PRKCA: variants seen among roughly 807,000 people sequenced by gnomAD.
PRKCA encodes protein kinase C alpha.
Under a neutral mutation model 87.0 loss-of-function variants are expected in PRKCA, and 27 were observed. The observed-to-expected ratio is 0.31, with a 90% CI of 0.23 to 0.43. The LOEUF is 0.43. Among genes scored for constraint, PRKCA ranks in the 20% least tolerant of loss-of-function variants. The probability of loss-of-function intolerance (pLI) is 1.00; values close to 1 mark genes in which losing one functional copy is unlikely to be tolerated. For missense variants in PRKCA, 518 were observed against 852.3 expected, an observed-to-expected ratio of 0.61 and a Z score of 4.88; for synonymous variants, 329 against 311.1, an observed-to-expected ratio of 1.06 and a Z score of -0.61.
chr17:66,763,245 C>T (rs1385311302), intron 13 of PRKCA, among the ~76,000 whole-genome samples: 1 of 152,208 alleles, frequency 6.6e-6, no homozygotes, highest in Non-Finnish European at 1.5e-5. Context: ...TGCCCCGTGC[C>T]TGAGGTCCTG....
intron 2 of PRKCA, among the ~76,000 whole-genome samples, chr17:66,345,312 T>G (rs1252206910): frequency 6.6e-6 from 1 of 152,216 alleles, no homozygotes; most frequent in East Asian, 1.9e-4. Context: ...TTAGAAAACC[T>G]TGTTAGGAAG....
chr17:66,627,815 A>C (rs1210259349), intron 3 of PRKCA, among the ~76,000 whole-genome samples: 2 of 152,264 alleles, frequency 1.3e-5, no homozygotes, highest in South Asian at 2.1e-4. Flanking sequence ...ATCCCCCCCC[A>C]AAAAATTGAA....
At chr17:66,548,832 C>G (rs539262255) in intron 3 of PRKCA, among the ~76,000 whole-genome samples, 2 of 151,348 alleles carry the variant, frequency 1.3e-5, no homozygotes, top group Non-Finnish European at 2.9e-5. Flanking sequence ...GAAGCAGGCT[C>G]TCTCTCTGTT....
At chr17:66,778,378 T>C in intron 14 of PRKCA, 2 of 308,512 alleles carry the variant, frequency 6.5e-6, no homozygotes, top group Non-Finnish European at 9.5e-6. Context: ...TAGCCGAGTG[T>C]GGTGGCGGGC....
At chr17:66,334,347 T>C (rs905226387) in intron 2 of PRKCA, among the ~76,000 whole-genome samples, 1 of 152,386 alleles carries the variant, frequency 6.6e-6, no homozygotes, top group South Asian at 2.1e-4. Flanking sequence ...TCTTTTGTTA[T>C]ACTCTTCTGT....
intron 5 of PRKCA, among the ~76,000 whole-genome samples, chr17:66,684,369 C>G (rs958366037): frequency 2.0e-5 from 3 of 152,116 alleles, no homozygotes; most frequent in African/African-American, 7.2e-5. Context: ...AGTGGCAGAG[C>G]CAGAATTCAA....
intron 16 of PRKCA, chr17:66,796,640 T>C: frequency 2.0e-6 from 2 of 985,366 alleles, no homozygotes; most frequent in Non-Finnish European, 2.4e-6. Flanking sequence ...GGCAGACCAA[T>C]GGCCAGACCC....
intron 3 of PRKCA, among the ~76,000 whole-genome samples, chr17:66,603,369 G>A (rs900855273): frequency 6.6e-6 from 1 of 152,172 alleles, no homozygotes; most frequent in Non-Finnish European, 1.5e-5. Context: ...ACGACAGTTG[G>A]CCTTAAAAAT....
At chr17:66,470,063 G>A (rs948854200) in intron 2 of PRKCA, among the ~76,000 whole-genome samples, 1 of 151,784 alleles carries the variant, frequency 6.6e-6, no homozygotes, top group Non-Finnish European at 1.5e-5. Flanking sequence ...TTTTTAGTGG[G>A]AAAATAACAA....
intron 2 of PRKCA, among the ~76,000 whole-genome samples, chr17:66,426,708 AG>A (rs1179468238): frequency 1.3e-5 from 2 of 152,182 alleles, no homozygotes; most frequent in African/African-American, 2.4e-5. Context: ...ATACCCTTCA[AG>A]GGTGGGCATG....
chr17:66,735,786 C>A, intron 10 of PRKCA, 124 bp downstream of exon 10: 1 of 1,149,136 alleles, frequency 8.7e-7, no homozygotes, highest in Non-Finnish European at 1.2e-6. Flanking sequence ...TGATGTCAAG[C>A]AGAGGTGACT....
chr17:66,781,034 A>G (rs1867394187), intron 14 of PRKCA, among the ~76,000 whole-genome samples: 1 of 151,988 alleles, frequency 6.6e-6, no homozygotes, highest in Admixed American at 6.6e-5. Context: ...ACTTGAACCC[A>G]GGAGGCAGAG....
intron 5 of PRKCA, among the ~76,000 whole-genome samples, chr17:66,675,913 C>T (rs1165274336): frequency 1.3e-5 from 2 of 152,182 alleles, no homozygotes; most frequent in South Asian, 2.1e-4. Flanking sequence ...GTTTGTGTGC[C>T]TGCATGGTTT....
intron 2 of PRKCA, among the ~76,000 whole-genome samples, chr17:66,374,731 T>TG (rs1909321391): frequency 6.8e-6 from 1 of 146,030 alleles, no homozygotes; most frequent in Admixed American, 6.8e-5. Context: ...TTTTTTTTTT[T>TG]TTTTTTTTCT....
rs549153540 is a variant in PRKCA, at chr17:66,604,592, A to T, written c.289-36763A>T. On this transcript the variant is annotated intron_variant, in intron 3 of 16. Transcript: ENST00000413366. ...GAGGACAAAGCACCAGTGTACAACC[A>T]CACTACTTAATTAGGATTCTCTGAA... 2.6e-5 allele frequency among the ~76,000 whole-genome samples: 4 copies of T among 152,186 alleles called. No individual in the cohort carries two copies. The East Asian group carries it at 5.8e-4, about 22-fold the overall frequency.
At chr17:66,802,517 T>C (rs1975923804) in intron 16 of PRKCA, among the ~76,000 whole-genome samples, 2 of 148,656 alleles carry the variant, frequency 1.3e-5, no homozygotes, top group South Asian at 2.2e-4. Context: ...AGAGCAAGAC[T>C]CCATCTCAAA....
chr17:66,513,642 A>G (rs982948086), intron 3 of PRKCA, among the ~76,000 whole-genome samples: 13 of 152,152 alleles, frequency 8.5e-5, no homozygotes, highest in African/African-American at 2.9e-4. Flanking sequence ...TGCAGTCATT[A>G]ATTTTTTTCT....
At chr17:66,643,897 A>G (rs1237154672) in intron 4 of PRKCA, among the ~76,000 whole-genome samples, 1 of 152,216 alleles carries the variant, frequency 6.6e-6, no homozygotes, top group African/African-American at 2.4e-5. Context: ...CACTTTGTAG[A>G]GTTGGAAATG....
At chr17:66,515,058 A>G (rs766303995) in intron 3 of PRKCA, among the ~76,000 whole-genome samples, 40 of 152,078 alleles carry the variant, frequency 2.6e-4, no homozygotes, top group Admixed American at 7.9e-4. Context: ...GATCAAGACC[A>G]TCCTGGCTAA....
Sources: gnomAD v4.1 joint callset for allele counts (sites outside exome capture counted in the v4.1 genomes callset) on GRCh38, gnomAD v4.1.1 for gene constraint, MANE v1.5 for transcripts, NCBI Gene and HGNC (gene_info 2026-07-23, HGNC 2026-07-21) for gene names.